FMN1: variants seen among roughly 807,000 people sequenced by gnomAD.
FMN1 encodes formin 1.
A neutral mutation model predicts 132.4 loss-of-function variants in FMN1; 110 were observed. The ratio of observed to expected loss-of-function variants is 0.83; its 90% CI spans 0.71 to 0.97. FMN1 has a LOEUF of 0.97. FMN1 is among the 50% of genes least tolerant of loss of function. The pLI, the probability that FMN1 is intolerant of heterozygous loss-of-function variation, is 0.00. For synonymous variants in FMN1, 722 were observed against 651.7 expected, an observed-to-expected ratio of 1.11 and a Z score of -1.64; for missense variants, 1,792 against 1,705.3, an observed-to-expected ratio of 1.05 and a Z score of -0.90.
At chr15:33,079,682 G>T (rs1463478771) in intron 5 of FMN1, among the ~76,000 whole-genome samples, 1 of 152,240 alleles carries the variant, frequency 6.6e-6, no homozygotes, top group Non-Finnish European at 1.5e-5. Context: ...GTAGAGAAGT[G>T]TGAGAACTGC....
chr15:32,962,579 T>C (rs1204537462), intron 9 of FMN1, among the ~76,000 whole-genome samples: 1 of 151,178 alleles, frequency 6.6e-6, no homozygotes, highest in African/African-American at 2.5e-5. Context: ...GAGAAAATTT[T>C]TGCAACCTAC....
intron 17 of FMN1, among the ~76,000 whole-genome samples, chr15:32,854,975 T>G (rs950027486): frequency 6.6e-6 from 1 of 151,538 alleles, no homozygotes; most frequent in African/African-American, 2.4e-5. Context: ...ATAGATCTTT[T>G]CCCATTAAGA....
intron 4 of FMN1, among the ~76,000 whole-genome samples, chr15:33,119,180 C>T (rs1221077316): frequency 6.6e-6 from 1 of 152,142 alleles, no homozygotes; most frequent in East Asian, 1.9e-4. Context: ...AGATTCATCT[C>T]TATGTTCAAT....
At chr15:32,827,748 G>C (rs1318726462) in intron 17 of FMN1, among the ~76,000 whole-genome samples, 1 of 152,074 alleles carries the variant, frequency 6.6e-6, no homozygotes, top group Non-Finnish European at 1.5e-5. Context: ...GGAGGCTGAG[G>C]CAGGAGAATG....
intron 4 of FMN1, among the ~76,000 whole-genome samples, chr15:33,116,062 C>A (rs1339652208): frequency 1.3e-5 from 2 of 152,154 alleles, no homozygotes; most frequent in Non-Finnish European, 2.9e-5. Flanking sequence ...TCCAGAAAGA[C>A]TATAGAGATC....
Position 33,157,715 on chromosome 15 carries a change from G to C in FMN1, c.-131-2670C>G, listed in dbSNP as rs186405014. Among the ~76,000 whole-genome samples, 7 of 152,188 alleles carry C rather than the reference G, an allele frequency of 4.6e-5. No homozygotes were observed. The East Asian group carries it at 1.4e-3, about 29-fold the overall frequency. ...GCTATTTTAACGCTCACGGAGGCCA[G>C]GCGCAGCAGCTCACCCCTGTAATCC... is the stretch of plus-strand genomic sequence containing the variant. On this transcript the variant is annotated intron_variant, in intron 3 of 20. Transcript: ENST00000616417.
intron 17 of FMN1, among the ~76,000 whole-genome samples, chr15:32,855,517 G>GT (rs1434767628): frequency 5.3e-5 from 8 of 152,160 alleles, no homozygotes; most frequent in Non-Finnish European, 8.8e-5. Flanking sequence ...GATTCTCAAG[G>GT]TTTTAAATCT....
chr15:33,085,622 G>C, intron 5 of FMN1, among the ~76,000 whole-genome samples: 1 of 149,750 alleles, frequency 6.7e-6, no homozygotes, highest in East Asian at 1.9e-4. Context: ...CCCATAAAAG[G>C]CTAGTTCAGG....
At chr15:32,796,214 T>G (rs1306032057) in intron 19 of FMN1, among the ~76,000 whole-genome samples, 2 of 152,256 alleles carry the variant, frequency 1.3e-5, no homozygotes, top group Non-Finnish European at 2.9e-5. Flanking sequence ...TCCAGTGGCC[T>G]AAGTAGTTTT....
At chr15:33,013,596 T>C (rs1258967541) in intron 6 of FMN1, among the ~76,000 whole-genome samples, 1 of 152,200 alleles carries the variant, frequency 6.6e-6, no homozygotes, top group Non-Finnish European at 1.5e-5. Flanking sequence ...TAACATTAAA[T>C]GAAAGAAAAA....
At chr15:32,876,279 A>T (rs560325804) in intron 16 of FMN1, among the ~76,000 whole-genome samples, 1 of 152,316 alleles carries the variant, frequency 6.6e-6, no homozygotes, top group East Asian at 1.9e-4. Context: ...TGACTGTCAA[A>T]AGGTACTATT....
At chr15:33,019,158 T>G (rs201224158) in intron 6 of FMN1, among the ~76,000 whole-genome samples, 1 of 152,178 alleles carries the variant, frequency 6.6e-6, no homozygotes, top group Admixed American at 6.5e-5. Flanking sequence ...TACAGAGAGC[T>G]GATTGGTCTG....
chr15:33,088,351 T>C (rs1317082781), intron 5 of FMN1, among the ~76,000 whole-genome samples: 1 of 152,254 alleles, frequency 6.6e-6, no homozygotes, highest in Non-Finnish European at 1.5e-5. Context: ...TAGTCACCTG[T>C]TATTTGAGCA....
chr15:32,857,578 G>A (rs2059165206), intron 16 of FMN1, among the ~76,000 whole-genome samples: 1 of 152,138 alleles, frequency 6.6e-6, no homozygotes, highest in African/African-American at 2.4e-5. Context: ...TGATTGGCCA[G>A]GGTGACACAC....
At chr15:32,992,607 T>G (rs2033503781) in intron 7 of FMN1, among the ~76,000 whole-genome samples, 1 of 152,162 alleles carries the variant, frequency 6.6e-6, no homozygotes, top group African/African-American at 2.4e-5. Context: ...CGATAAGACA[T>G]ATGTTTAACA....
intron 4 of FMN1, among the ~76,000 whole-genome samples, chr15:33,138,003 A>G (rs970389092): frequency 6.6e-6 from 1 of 152,164 alleles, no homozygotes; most frequent in Non-Finnish European, 1.5e-5. Flanking sequence ...AATAATAACT[A>G]TTGTGTAGAT....
chr15:32,778,654 CAA>C (rs1212028961), intron 19 of FMN1, among the ~76,000 whole-genome samples: 1 of 152,160 alleles, frequency 6.6e-6, no homozygotes, highest in East Asian at 1.9e-4. Flanking sequence ...AAGACAGTAA[CAA>C]GTACTAGAGA....
At position 32,969,191 on chromosome 15, in the gene FMN1, G is replaced by A. The variant is rs893219054; in HGVS notation, c.2510C>T (p.Ser837Phe). ...ATTTGGGGGTGAGAGCTGGCTTAAAGAGGAGATATTCAGCTTTTTGGGTAC... is the reference window on the plus strand; with the variant it reads ...ATTTGGGGGTGAGAGCTGGCTTAAAAAGGAGATATTCAGCTTTTTGGGTAC... ...QLVPKKLNISSLSQLSPPNDH... is the reference protein window; with the variant it reads ...QLVPKKLNISFLSQLSPPNDH... The change falls in exon 8 of 21, where the codon TCT becomes TTT. Residue 837 changes from serine to phenylalanine, a missense_variant. By Grantham distance (155) the Ser-to-Phe change is radical. Transcript: ENST00000616417. 3.7e-6 allele frequency: 6 copies of A among 1,613,848 alleles called. No individual in the cohort carries two copies. In the African/African-American group the frequency reaches 4.0e-5, roughly 11 times the overall value.
chr15:33,155,616 G>A (rs529784845), intron 3 of FMN1, among the ~76,000 whole-genome samples: 1 of 152,278 alleles, frequency 6.6e-6, no homozygotes, highest in South Asian at 2.1e-4. Context: ...CAATGTAAAA[G>A]TTTAAAATTT....
Sources: gnomAD v4.1 joint callset for allele counts (sites outside exome capture counted in the v4.1 genomes callset) on GRCh38, gnomAD v4.1.1 for gene constraint, MANE v1.5 for transcripts, NCBI Gene and HGNC (gene_info 2026-07-23, HGNC 2026-07-21) for gene names.